MCC: variants seen among roughly 807,000 people sequenced by gnomAD.
The protein encoded by MCC is colorectal mutant cancer protein.
In MCC, 90 loss-of-function variants were observed where a neutral mutation model predicts 116.2. That is an observed-to-expected ratio of 0.77 (90% CI 0.65 to 0.92). MCC has a LOEUF of 0.92. Ranked by LOEUF, MCC falls within the 40% of genes least tolerant of loss-of-function variation. MCC has a pLI of 0.00. For missense variants in MCC, 1,516 were observed against 1,312.2 expected (o/e 1.16, Z -2.40); for synonymous variants, 578 against 510.5 (o/e 1.13, Z -1.78).
intron 3 of MCC, among the ~76,000 whole-genome samples, chr5:113,219,403 T>G (rs1309047378): frequency 6.6e-6 from 1 of 152,194 alleles, no homozygotes. Context: ...AATCAGCAAT[T>G]AAAATTCAAT....
At chr5:113,153,859 G>T (rs1297475462) in intron 3 of MCC, among the ~76,000 whole-genome samples, 1 of 152,198 alleles carries the variant, frequency 6.6e-6, no homozygotes, top group Non-Finnish European at 1.5e-5. Context: ...ATAACTGCAG[G>T]TTAGGATCTG....
chr5:113,194,353 C>T (rs1357859066), intron 3 of MCC, among the ~76,000 whole-genome samples: 1 of 152,096 alleles, frequency 6.6e-6, no homozygotes, highest in African/African-American at 2.4e-5. Context: ...GAGAGAAAAA[C>T]AACAACTTGA....
intron 14 of MCC, among the ~76,000 whole-genome samples, chr5:113,058,371 G>A (rs1417407089): frequency 1.3e-5 from 2 of 152,134 alleles, no homozygotes; most frequent in South Asian, 2.1e-4. Flanking sequence ...GCAGCACCTG[G>A]GGACTTGTTA....
chr5:113,270,905 C>T (rs1055138187), intron 3 of MCC, among the ~76,000 whole-genome samples: 3 of 151,614 alleles, frequency 2.0e-5, no homozygotes, highest in Non-Finnish European at 4.4e-5. Flanking sequence ...AATTGCCCTG[C>T]AAAAAATATA....
intron 3 of MCC, among the ~76,000 whole-genome samples, chr5:113,167,244 A>G (rs11952815): frequency 0.2 from 31,167 of 152,170 alleles, 3,339 homozygotes; most frequent in African/African-American, 0.25. Context: ...AAGGAAGCAC[A>G]GGAACCTCAA....
chr5:113,478,671 A>T (rs572244109), intron 1 of MCC, among the ~76,000 whole-genome samples: 1 of 152,294 alleles, frequency 6.6e-6, no homozygotes, highest in Admixed American at 6.5e-5. Context: ...GAGGTCAGAG[A>T]TATGGAAAGA....
At chr5:113,103,254 G>A (rs1756537461) in intron 7 of MCC, among the ~76,000 whole-genome samples, 1 of 152,204 alleles carries the variant, frequency 6.6e-6, no homozygotes, top group Non-Finnish European at 1.5e-5. Context: ...CCCATGTGCT[G>A]CTTTGTCCTT....
At chr5:113,313,576 C>A (rs1458238345) in intron 3 of MCC, among the ~76,000 whole-genome samples, 1 of 152,186 alleles carries the variant, frequency 6.6e-6, no homozygotes, top group Non-Finnish European at 1.5e-5. Context: ...GCACTTTCTA[C>A]TCTGGAAGTC....
chr5:113,231,998 C>T (rs1763955907), intron 3 of MCC, among the ~76,000 whole-genome samples: 1 of 152,102 alleles, frequency 6.6e-6, no homozygotes, highest in African/African-American at 2.4e-5. Flanking sequence ...AAACAACCTC[C>T]TGGTTTTATA....
chr5:113,205,922 G>A (rs927213869), intron 3 of MCC, among the ~76,000 whole-genome samples: 1 of 152,232 alleles, frequency 6.6e-6, no homozygotes, highest in South Asian at 2.1e-4. Context: ...GGCTCCTGAA[G>A]CCATGCCACA....
intron 3 of MCC, among the ~76,000 whole-genome samples, chr5:113,221,752 T>C (rs887216017): frequency 2.0e-5 from 3 of 152,178 alleles, no homozygotes; most frequent in African/African-American, 7.2e-5. Context: ...TCCCTATGAT[T>C]TCATCTCTGG....
chr5:113,122,858 CAGAGGATATAAGACAACCCCCT>C (rs1423706986), intron 5 of MCC, 32 bp from the exon 6 acceptor site: 8 of 1,611,350 alleles, frequency 5.0e-6, no homozygotes, highest in Non-Finnish European at 6.8e-6. Context: ...CAACCACTAA[CAGAGGATATAAGACAACCCCCT>C]AGAGAATATG....
chr5:113,070,757 C>G (rs1753979875), intron 12 of MCC, among the ~76,000 whole-genome samples: 1 of 152,020 alleles, frequency 6.6e-6, no homozygotes, highest in African/African-American at 2.4e-5. Flanking sequence ...AAATGAAGAA[C>G]TAGAATGCAC....
At chr5:113,131,992 C>G (rs962233019) in intron 5 of MCC, among the ~76,000 whole-genome samples, 1 of 152,140 alleles carries the variant, frequency 6.6e-6, no homozygotes, top group Non-Finnish European at 1.5e-5. Context: ...TACTAACCTT[C>G]TCTGTAGTCA....
At chr5:113,472,964 G>A (rs1580421457) in intron 1 of MCC, among the ~76,000 whole-genome samples, 1 of 152,158 alleles carries the variant, frequency 6.6e-6, no homozygotes, top group Admixed American at 6.5e-5. Flanking sequence ...TCTAATCAAC[G>A]CATGATGTCA....
intron 3 of MCC, among the ~76,000 whole-genome samples, chr5:113,297,717 A>C (rs1766748272): frequency 7.4e-6 from 1 of 134,866 alleles, no homozygotes; most frequent in Admixed American, 8.7e-5. Flanking sequence ...GTGCCACTGC[A>C]CTCCACCCTG....
At position 113,053,814 on chromosome 5, in the gene MCC, G is replaced by A; in HGVS notation, c.2359C>T (p.Pro787Ser). 6.2e-7 allele frequency: 1 copy of A among 1,614,136 alleles called. No homozygotes were observed. The change falls in exon 15 of 19, where the codon CCT becomes TCT. Residue 787 changes from proline to serine, a missense_variant. Pro to Ser is a moderately conservative substitution (Grantham distance 74). Coordinates refer to ENST00000408903, the MANE Select transcript of MCC (RefSeq NM_001085377.2). ...MLELESIHID[P>S]LSYDVKPRGD... is the part of the protein sequence containing the mutation. ...CGAGGCTTGACGTCATAGCTGAGAG[G>A]ATCGATGTGGATGCTTTCCAGCTCC...
intron 1 of MCC, among the ~76,000 whole-genome samples, chr5:113,438,680 G>C (rs1770940583): frequency 6.6e-6 from 1 of 152,104 alleles, no homozygotes. Flanking sequence ...GAATATCCCA[G>C]ACGGGATCCT....
chr5:113,433,829 C>T (rs745462576), intron 1 of MCC: 1 of 1,614,024 alleles, frequency 6.2e-7, no homozygotes, highest in Non-Finnish European at 8.5e-7. Flanking sequence ...TCTCCGACTG[C>T]CTGGACATTT....
Sources: allele counts gnomAD v4.1 joint callset (sites outside exome capture counted in the v4.1 genomes callset), GRCh38; gene constraint gnomAD v4.1.1; transcripts MANE v1.5; gene names NCBI Gene and HGNC (gene_info 2026-07-23, HGNC 2026-07-21).